The following FCAMR variants were observed in gnomAD, a reference collection of about 807,000 sequenced individuals.
FCAMR encodes Fc alpha and mu receptor.
In FCAMR, 51 loss-of-function variants were observed where a neutral mutation model predicts 52.2. The ratio of observed to expected loss-of-function variants is 0.98; its 90% CI spans 0.78 to 1.23. The LOEUF (loss-of-function observed/expected upper bound fraction) is 1.23. Among genes scored for constraint, FCAMR ranks in the 50% most tolerant of loss-of-function variants. FCAMR has a pLI of 0.00. For missense variants in FCAMR, 719 were observed against 712.6 expected (o/e 1.01, Z -0.10); for synonymous variants, 282 against 262.0 (o/e 1.08, Z -0.74).
At chr1:206,960,364 A>T in intron 6 of FCAMR, 58 bp downstream of exon 6, 1 of 1,440,138 alleles carries the variant, frequency 6.9e-7, no homozygotes, top group Non-Finnish European at 9.2e-7. Context: ...CCTCCCTTGC[A>T]TGCCAGGGAT....
At chr1:206,966,528 G>A (rs1680715845) in intron 3 of FCAMR, among the ~76,000 whole-genome samples, 2 of 152,186 alleles carry the variant, frequency 1.3e-5, no homozygotes, top group African/African-American at 2.4e-5. Flanking sequence ...TGGGACTACA[G>A]GTGCGTGCCA....
At chr1:206,967,760 T>A in intron 1 of FCAMR, 109 bp from the exon 2 acceptor site, 1 of 968,630 alleles carries the variant, frequency 1.0e-6, no homozygotes, top group Non-Finnish European at 1.6e-6. Flanking sequence ...ACCAAGTAGC[T>A]CTCTGCACTA....
chr1:206,960,469 C>G lies in FCAMR; in HGVS notation c.1407G>C (p.Pro469=). 3.3e-6 allele frequency: 5 copies of G among 1,538,254 alleles called. No homozygotes were observed. Among genetic ancestry groups the G allele is most frequent in the South Asian group, 1.2e-5 (1 of 81,924 alleles). The change falls in exon 6 of 8, where the codon CCG becomes CCC. Residue 469 remains proline (P), a synonymous_variant. Coordinates refer to ENST00000324852, the MANE Select transcript of FCAMR (RefSeq NM_001170631.2). The part of the protein sequence containing the change: ...RGPQATLSQT[P]AVGPWGPPGK... ...CAGGGGGTCCCCAGGGTCCTACTGC[C>G]GGGGTCTGGCTCAGTGTTGCTTGGG... is the stretch of plus-strand genomic sequence containing the variant.
chr1:206,966,948 C>T (rs1680735075), intron 3 of FCAMR, 104 bp downstream of exon 3: 2 of 1,076,054 alleles, frequency 1.9e-6, no homozygotes, highest in South Asian at 1.3e-5. Flanking sequence ...ATGGTTTATA[C>T]CTGGACAGTT....
chr1:206,970,157 T>C lies in FCAMR; in HGVS notation c.-32A>G. 6.2e-7 allele frequency: 1 copy of C among 1,613,566 alleles called. No homozygotes were observed. Among genetic ancestry groups the C allele is most frequent in the Non-Finnish European group, 8.5e-7 (1 of 1,179,650 alleles). On this transcript the variant is annotated 5_prime_UTR_variant, in exon 1 of 8. Coordinates refer to ENST00000324852, the MANE Select transcript of FCAMR (RefSeq NM_001170631.2). ...CCAGAAACAAGATCCAGGTGGACTT[T>C]TCTTCTCCTTATGAGATGCAGGTGT...
rs1680539069 is a variant in FCAMR, at chr1:206,962,290, T to C, written c.575A>G (p.Asp192Gly). Residue 192 changes from aspartate (D) to glycine (G), a missense_variant, in exon 5 of 8, where the codon GAC becomes GGC. Asp to Gly is a moderately conservative substitution (Grantham distance 94). Transcript: ENST00000324852. ...VVRLSQLSPD[D>G]IGCYLCGIGS... is the part of the protein sequence containing the mutation. ...AATGCCGCAGAGGTAGCATCCGATG[T>C]CATCCGGGGACAGTTGGGACAGCCT... The C allele has an allele frequency of 6.2e-7, 1 of 1,614,190 alleles. No homozygotes were observed. Among genetic ancestry groups the C allele is most frequent in the Non-Finnish European group, 8.5e-7 (1 of 1,180,018 alleles).
chr1:206,963,980 G>C (rs1398125348), intron 4 of FCAMR, among the ~76,000 whole-genome samples: 2 of 152,214 alleles, frequency 1.3e-5, no homozygotes, highest in Non-Finnish European at 2.9e-5. Flanking sequence ...TGGAGGCCCT[G>C]CATTTAACAC....
chr1:206,965,678 G>A, intron 4 of FCAMR, 37 bp downstream of exon 4: 1 of 1,520,334 alleles, frequency 6.6e-7, no homozygotes, highest in Non-Finnish European at 8.8e-7. Context: ...GGAAGTCTGA[G>A]GTCCATGGTC....
Position 206,960,426 on chromosome 1 carries a change from T to G in FCAMR, c.1450A>C (p.Lys484Gln). 1 of 1,491,564 alleles carries G rather than the reference T, an allele frequency of 6.7e-7. No individual in the cohort carries two copies. The highest frequency in any genetic ancestry group is 8.9e-7 in the Non-Finnish European group (1 of 1,120,160). 92.4% of individuals were successfully genotyped at this position (1,491,564 alleles called of 1,614,324 possible). The change falls in exon 6 of 8, where the codon AAG (lysine) becomes CAG (glutamine). Residue 484 changes from lysine to glutamine, a missense_variant. Lys to Gln is a moderately conservative substitution (Grantham distance 53). Transcript: ENST00000324852. ...WGPPGKESSV[K>Q]RTFPEDESSS... Reference sequence around the variant, plus strand: ...GGAGAAGGTGCCTGGGGTTACCGCTTCACGGAGGACTCCTTGCCAGGGGGT... The same window carrying G: ...GGAGAAGGTGCCTGGGGTTACCGCTGCACGGAGGACTCCTTGCCAGGGGGT...
At chr1:206,961,713 G>A (rs528374560) in intron 5 of FCAMR, among the ~76,000 whole-genome samples, 1 of 152,226 alleles carries the variant, frequency 6.6e-6, no homozygotes, top group Non-Finnish European at 1.5e-5. Flanking sequence ...TATGCTCTGG[G>A]TGCCTGACTT....
chr1:206,970,346 G>T lies in FCAMR; in HGVS notation c.-221C>A. 1.8e-6 allele frequency: 1 copy of T among 553,792 alleles called. No homozygotes were observed. The highest frequency in any genetic ancestry group is 3.2e-6 in the Non-Finnish European group (1 of 311,642). The allele number at this position is 553,792 out of a possible 1,614,324, so 34.3% of individuals were successfully genotyped here. A position where few individuals can be genotyped will look rare whatever the true frequency, so the allele number is the denominator to read the frequency against. On this transcript the variant is annotated 5_prime_UTR_variant, in exon 1 of 8. Coordinates refer to ENST00000324852, the MANE Select transcript of FCAMR (RefSeq NM_001170631.2). ...TGGATTTTATTATTTATAAGAGGAAGCCAGTCCTAATCCCTTGTCATTCTT... is the reference window on the plus strand; with the variant it reads ...TGGATTTTATTATTTATAAGAGGAATCCAGTCCTAATCCCTTGTCATTCTT...
intron 5 of FCAMR, 67 bp downstream of exon 5, chr1:206,962,146 T>G: frequency 6.6e-7 from 1 of 1,509,936 alleles, no homozygotes; most frequent in Non-Finnish European, 9.1e-7. Context: ...CTCTGAGGCT[T>G]CTCTCCCACT....
intron 1 of FCAMR, among the ~76,000 whole-genome samples, chr1:206,969,020 C>G (rs1484408679): frequency 1.3e-5 from 2 of 152,208 alleles, no homozygotes; most frequent in South Asian, 4.1e-4. Flanking sequence ...ATGGCAGTCT[C>G]AGACCTTTCC....
chr1:206,962,986 T>C (rs1157373800), intron 4 of FCAMR, among the ~76,000 whole-genome samples: 1 of 152,208 alleles, frequency 6.6e-6, no homozygotes, highest in African/African-American at 2.4e-5. Context: ...TGGTAATCTA[T>C]CATCAAAAGA....
intron 5 of FCAMR, 97 bp downstream of exon 5, chr1:206,962,116 T>C: frequency 8.2e-7 from 1 of 1,217,464 alleles, no homozygotes; most frequent in Non-Finnish European, 1.2e-6. Flanking sequence ...ACTTCCCTAA[T>C]GTTTCAAGCC....
At chr1:206,967,467 G>A (rs1334227759) in intron 2 of FCAMR, 116 bp downstream of exon 2, 16 of 1,147,002 alleles carry the variant, frequency 1.4e-5, no homozygotes, top group South Asian at 2.8e-5. Flanking sequence ...GAAAGGCCAC[G>A]TTTGAAGTCC....
chr1:206,961,413 T>C (rs1680503402), intron 5 of FCAMR, among the ~76,000 whole-genome samples, 190 bp from the exon 6 acceptor site: 1 of 152,248 alleles, frequency 6.6e-6, no homozygotes, highest in Admixed American at 6.5e-5. Context: ...TGGCAAACAT[T>C]CTCTCGTCTG....
intron 4 of FCAMR, among the ~76,000 whole-genome samples, chr1:206,964,698 C>T (rs1191827976): frequency 6.6e-6 from 1 of 151,988 alleles, no homozygotes; most frequent in Admixed American, 6.6e-5. Context: ...GTACAGCCTG[C>T]AGAACCGTGA....
intron 4 of FCAMR, 54 bp downstream of exon 4, chr1:206,965,661 G>A (rs529594429): frequency 1.3e-6 from 2 of 1,505,256 alleles, no homozygotes; most frequent in South Asian, 2.8e-5. Context: ...TGGTCTGAGA[G>A]AGCCTGGGAA....
Sources: allele counts gnomAD v4.1 joint callset (sites outside exome capture counted in the v4.1 genomes callset), GRCh38; gene constraint gnomAD v4.1.1; transcripts MANE v1.5; gene names NCBI Gene and HGNC (gene_info 2026-07-23, HGNC 2026-07-21).